GRIA3: variants seen among roughly 807,000 people sequenced by gnomAD.
GRIA3 encodes the protein glutamate ionotropic receptor AMPA type subunit 3, also known as glutamate receptor 3.
In GRIA3, 3 loss-of-function variants were observed where a neutral mutation model predicts 63.0. That is an observed-to-expected ratio of 0.05 (90% CI 0.02 to 0.12). GRIA3 has a LOEUF of 0.12. GRIA3 is among the 10% of genes least tolerant of loss of function. The pLI, the probability that GRIA3 is intolerant of heterozygous loss-of-function variation, is 1.00. For missense variants in GRIA3, 347 were observed against 700.9 expected (o/e 0.50, Z 5.70); for synonymous variants, 274 against 257.9 (o/e 1.06, Z -0.60).
intron 2 of GRIA3, among the ~76,000 whole-genome samples, chrX:123,207,971 A>G (rs756438699): frequency 1.8e-5 from 2 of 112,323 alleles, no homozygotes; most frequent in Non-Finnish European, 3.8e-5. Flanking sequence ...GGGCCAACAC[A>G]CAAACCAAAC....
intron 5 of GRIA3, 29 bp from the exon 6 acceptor site, chrX:123,394,939 C>T (rs2045405434): frequency 9.0e-7 from 1 of 1,106,643 alleles, no homozygotes. Flanking sequence ...CAACTTCCCA[C>T]AATCATGATC....
At chrX:123,268,550 A>G (rs2044501634) in intron 3 of GRIA3, among the ~76,000 whole-genome samples, 1 of 110,790 alleles carries the variant, frequency 9.0e-6, no homozygotes, top group Non-Finnish European at 1.9e-5. Flanking sequence ...ACCTTTAATA[A>G]TCACTTTAAC....
At chrX:123,218,672 G>C (rs1200638900) in intron 2 of GRIA3, among the ~76,000 whole-genome samples, 1 of 111,370 alleles carries the variant, frequency 9.0e-6, no homozygotes, top group Non-Finnish European at 1.9e-5. Context: ...CAAATTACTT[G>C]TGCAAGTGGA....
At chrX:123,370,610 C>T (rs1212436912) in intron 5 of GRIA3, among the ~76,000 whole-genome samples, 2 of 111,471 alleles carry the variant, frequency 1.8e-5, no homozygotes, top group African/African-American at 3.3e-5. Flanking sequence ...TTCAGTGGGG[C>T]TTGGGAAAAT....
At chrX:123,386,833 G>T (rs753281722) in intron 5 of GRIA3, among the ~76,000 whole-genome samples, 140 of 111,446 alleles carry the variant, frequency 1.3e-3, no homozygotes, top group Middle Eastern at 4.6e-3. Context: ...GCCTTTATAT[G>T]AATACTGTGT....
chrX:123,210,311 A>G (rs1928011064), intron 2 of GRIA3, among the ~76,000 whole-genome samples: 1 of 109,727 alleles, frequency 9.1e-6, no homozygotes, highest in Admixed American at 9.8e-5. Context: ...TAATCTACCA[A>G]CATTTCTCTT....
rs2045611653 is a variant in GRIA3, at chrX:123,430,494, C to T, written c.2076+2355C>T. 3.6e-5 allele frequency among the ~76,000 whole-genome samples: 4 copies of T among 111,313 alleles called. 1 individual carries two copies. Among genetic ancestry groups the T allele is most frequent in the South Asian group, 7.8e-4 (2 of 2,579 alleles). ...TACTGAAAATGTTATCTAGACCCAA[C>T]AAAGACTATCTTTGATATTCGTGCA... On this transcript the variant is annotated intron_variant, in intron 12 of 15. Transcript: ENST00000620443.
chrX:123,235,332 A>G (rs2044296151), intron 2 of GRIA3, among the ~76,000 whole-genome samples: 1 of 112,060 alleles, frequency 8.9e-6, no homozygotes, highest in Non-Finnish European at 1.9e-5. Flanking sequence ...CTTTGAAAGT[A>G]AATGTAGTAC....
chrX:123,227,952 T>C (rs1233886704), intron 2 of GRIA3, among the ~76,000 whole-genome samples: 1 of 112,064 alleles, frequency 8.9e-6, no homozygotes, highest in Non-Finnish European at 1.9e-5. Flanking sequence ...AGGAAGGACT[T>C]GCATTCAAGG....
intron 9 of GRIA3, 96 bp from the exon 10 acceptor site, chrX:123,404,612 A>C: frequency 1.6e-6 from 1 of 610,380 alleles, no homozygotes; most frequent in Non-Finnish European, 2.8e-6. Context: ...TCACATACCA[A>C]ACCTCAATAG....
At chrX:123,440,906 G>T (rs923706734) in intron 12 of GRIA3, among the ~76,000 whole-genome samples, 1 of 111,684 alleles carries the variant, frequency 9.0e-6, no homozygotes, top group African/African-American at 3.3e-5. Context: ...GTCTATCAGG[G>T]TTTTTATAGT....
intron 3 of GRIA3, among the ~76,000 whole-genome samples, chrX:123,300,529 T>C (rs938849062): frequency 9.1e-6 from 1 of 109,404 alleles, no homozygotes; most frequent in African/African-American, 3.3e-5. Context: ...TTGAATTTTC[T>C]CTCTTTTCTT....
At position 123,331,840 on chromosome X, in the gene GRIA3, C is replaced by A. The variant is rs1189856965; in HGVS notation, c.696+5627C>A. On this transcript the variant is annotated intron_variant, in intron 4 of 15. Coordinates refer to ENST00000620443, the MANE Select transcript of GRIA3 (RefSeq NM_007325.5). ...GGGAGGTGACAATTTCTTTGGGGCT[C>A]ATTTTTCTCAGCTTAAAAGACTGTT... Among the ~76,000 whole-genome samples, 5 of 111,632 alleles carry A rather than the reference C, an allele frequency of 4.5e-5. No individual in the cohort carries two copies. In the East Asian group the frequency reaches 1.1e-3, roughly 25 times the overall value.
At chrX:123,416,554 T>TA (rs976547093) in intron 10 of GRIA3, among the ~76,000 whole-genome samples, 31 of 112,761 alleles carry the variant, frequency 2.7e-4, no homozygotes, top group Non-Finnish European at 3.2e-4. Context: ...GGGATTAATA[T>TA]AAAAAACATT....
intron 2 of GRIA3, among the ~76,000 whole-genome samples, chrX:123,234,496 G>A (rs1206351204): frequency 4.5e-5 from 5 of 111,869 alleles, no homozygotes; most frequent in Non-Finnish European, 9.4e-5. Context: ...CTATCTTCAG[G>A]ATGGGCCAGT....
chrX:123,349,577 T>C (rs1001122687), intron 4 of GRIA3, among the ~76,000 whole-genome samples: 3 of 112,796 alleles, frequency 2.7e-5, no homozygotes. Context: ...TCCTCGGTTA[T>C]ACTTCCGTTT....
intron 12 of GRIA3, among the ~76,000 whole-genome samples, chrX:123,455,785 T>C (rs1339020315): frequency 9.0e-6 from 1 of 111,134 alleles, no homozygotes; most frequent in Non-Finnish European, 1.9e-5. Context: ...ATATTGTCAG[T>C]GCTAAAGCAA....
intron 3 of GRIA3, among the ~76,000 whole-genome samples, chrX:123,263,570 A>G (rs944471878): frequency 8.9e-6 from 1 of 111,988 alleles, no homozygotes. Context: ...ACTTCACTGC[A>G]GGCAGGCAGT....
chrX:123,320,694 A>C (rs2044862400), intron 3 of GRIA3, among the ~76,000 whole-genome samples: 1 of 112,355 alleles, frequency 8.9e-6, no homozygotes, highest in South Asian at 3.7e-4. Context: ...GACATGATGC[A>C]CTTGAAAGAC....
Sources: allele counts gnomAD v4.1 joint callset (sites outside exome capture counted in the v4.1 genomes callset), GRCh38; gene constraint gnomAD v4.1.1; transcripts MANE v1.5; gene names NCBI Gene and HGNC (gene_info 2026-07-23, HGNC 2026-07-21).